The following ABI2 variants were observed in gnomAD, a reference collection of about 807,000 sequenced individuals.
ABI2 encodes abl interactor 2.
A neutral mutation model predicts 59.2 loss-of-function variants in ABI2; 25 were observed. The observed-to-expected ratio is 0.42, with a 90% confidence interval of 0.31 to 0.59. ABI2 has a LOEUF of 0.59. ABI2 is among the 20% of genes least tolerant of loss of function. ABI2 has a pLI of 0.14. For synonymous variants in ABI2, 213 were observed against 235.5 expected (o/e 0.90, Z 0.87); for missense variants, 545 against 681.8 (o/e 0.80, Z 2.23).
chr2:203,349,455 A>G (rs1268888296), intron 1 of ABI2, among the ~76,000 whole-genome samples: 1 of 152,062 alleles, frequency 6.6e-6, no homozygotes, highest in Non-Finnish European at 1.5e-5. Context: ...CCCAGGCTGG[A>G]GTGCAATGGT....
Position 203,402,698 on chromosome 2 carries a change from C to G in ABI2, c.1156C>G (p.Gln386Glu). 6.2e-7 allele frequency: 1 copy of G among 1,605,888 alleles called. No individual in the cohort carries two copies. The highest frequency in any genetic ancestry group is 8.5e-7 in the Non-Finnish European group (1 of 1,177,312). The change falls in exon 9 of 12, where the codon CAG becomes GAG. Residue 386 changes from glutamine to glutamate, a missense_variant. By Grantham distance (29) the Gln-to-Glu change is conservative. Around this residue, in one of 4 missense-constraint regions of ABI2, gnomAD observed 410 missense variants for 435.6 expected, o/e 0.94. Coordinates refer to ENST00000261018, the MANE Select transcript of ABI2 (RefSeq NM_001375670.1). ...SITSQTSLQNQMNGGPFYSQN... is the reference protein window; with the variant it reads ...SITSQTSLQNEMNGGPFYSQN... ...TACTTCACAAACAAGCCTTCAGAAT[C>G]AGATGAATGGAGGACCTTTTTATAG...
intron 9 of ABI2, among the ~76,000 whole-genome samples, chr2:203,405,321 G>C (rs1447383860): frequency 6.6e-6 from 1 of 151,958 alleles, no homozygotes; most frequent in Non-Finnish European, 1.5e-5. Context: ...AGCTCTTTTT[G>C]CAAGACTTAA....
intron 11 of ABI2, among the ~76,000 whole-genome samples, chr2:203,425,218 TTTTTC>T (rs1436666705): frequency 6.6e-6 from 1 of 152,082 alleles, no homozygotes; most frequent in Non-Finnish European, 1.5e-5. Flanking sequence ...TTTGCATTTC[TTTTTC>T]TTTTATTTTT....
chr2:203,345,487 T>G (rs2082798839), intron 1 of ABI2, among the ~76,000 whole-genome samples: 1 of 152,182 alleles, frequency 6.6e-6, no homozygotes, highest in Non-Finnish European at 1.5e-5. Flanking sequence ...CTTAGCTCAC[T>G]GCAATCTCCA....
intron 11 of ABI2, among the ~76,000 whole-genome samples, chr2:203,424,279 G>C (rs896349863): frequency 1.3e-5 from 2 of 152,156 alleles, no homozygotes; most frequent in African/African-American, 4.8e-5. Context: ...AGAGTATTTT[G>C]CTTTTTGATG....
At chr2:203,337,149 A>C (rs1397752128) in intron 1 of ABI2, among the ~76,000 whole-genome samples, 1 of 152,220 alleles carries the variant, frequency 6.6e-6, no homozygotes, top group African/African-American at 2.4e-5. Flanking sequence ...AGTCCTAGCC[A>C]GCCAGTTAGG....
chr2:203,396,376 A>T (rs541485788), intron 7 of ABI2, among the ~76,000 whole-genome samples: 257 of 152,254 alleles, frequency 1.7e-3, no homozygotes, highest in Non-Finnish European at 3.2e-3. Flanking sequence ...TTTAAAAAAA[A>T]TTTTTAATCT....
At chr2:203,426,711 TTA>T (rs1429981075) in intron 11 of ABI2, among the ~76,000 whole-genome samples, 2 of 151,422 alleles carry the variant, frequency 1.3e-5, no homozygotes, top group Admixed American at 6.6e-5. Context: ...TGCTGTTCCA[TTA>T]GTCTGGTTTC....
chr2:203,336,545 G>T (rs184043926), intron 1 of ABI2, among the ~76,000 whole-genome samples: 18 of 152,316 alleles, frequency 1.2e-4, no homozygotes, highest in African/African-American at 4.3e-4. Flanking sequence ...TAGTTCCCAT[G>T]AGATGAGGCT....
chr2:203,358,966 C>T (rs1002322417), intron 1 of ABI2, among the ~76,000 whole-genome samples: 3 of 152,114 alleles, frequency 2.0e-5, no homozygotes, highest in Admixed American at 1.3e-4. Flanking sequence ...GAGCCAATAT[C>T]GTGCCACTGC....
intron 2 of ABI2, among the ~76,000 whole-genome samples, chr2:203,370,218 C>CTCTCTCTCTCTCTCTCTT (rs1559243945): frequency 1.5e-5 from 2 of 136,242 alleles, no homozygotes; most frequent in East Asian, 3.9e-4. Flanking sequence ...CTCTCTCTCT[C>CTCTCTCTCTCTCTCTCTT]TCTCTCTCTT....
chr2:203,329,763 A>G (rs1354225159), intron 1 of ABI2, among the ~76,000 whole-genome samples: 1 of 150,760 alleles, frequency 6.6e-6, no homozygotes, highest in African/African-American at 2.4e-5. Flanking sequence ...TTGAGACACA[A>G]CCTCGTTCTG....
At chr2:203,354,359 A>G (rs1470570159) in intron 1 of ABI2, among the ~76,000 whole-genome samples, 2 of 151,722 alleles carry the variant, frequency 1.3e-5, no homozygotes, top group Non-Finnish European at 2.9e-5. Context: ...GACTTCTTAA[A>G]TTTTTTCTTT....
intron 3 of ABI2, among the ~76,000 whole-genome samples, chr2:203,381,873 A>G (rs1299564705): frequency 2.0e-5 from 3 of 152,216 alleles, no homozygotes; most frequent in South Asian, 2.1e-4. Flanking sequence ...TCCTCAAAGT[A>G]AAATGTTTTT....
At chr2:203,331,513 C>G (rs2073491132) in intron 1 of ABI2, among the ~76,000 whole-genome samples, 2 of 151,864 alleles carry the variant, frequency 1.3e-5, no homozygotes, top group Non-Finnish European at 2.9e-5. Flanking sequence ...TGTGTACCAC[C>G]ATGCCTGGCT....
intron 8 of ABI2, among the ~76,000 whole-genome samples, chr2:203,398,572 A>G (rs1454683313): frequency 4.6e-5 from 7 of 152,226 alleles, no homozygotes; most frequent in African/African-American, 1.7e-4. Flanking sequence ...ACTTATGTAC[A>G]GTAAAATTCA....
chr2:203,354,333 T>A (rs2090722334), intron 1 of ABI2, among the ~76,000 whole-genome samples: 2 of 152,168 alleles, frequency 1.3e-5, no homozygotes, highest in African/African-American at 2.4e-5. Context: ...TGTGAGCCAC[T>A]GCACCCAGCC....
intron 1 of ABI2, among the ~76,000 whole-genome samples, chr2:203,363,329 A>G (rs2093810222): frequency 6.6e-6 from 1 of 152,168 alleles, no homozygotes; most frequent in Admixed American, 6.5e-5. Flanking sequence ...CAGTTATTTT[A>G]AAATGTACAA....
intron 2 of ABI2, among the ~76,000 whole-genome samples, chr2:203,374,538 T>G (rs1043762052): frequency 3.3e-5 from 5 of 151,144 alleles, no homozygotes; most frequent in African/African-American, 9.7e-5. Context: ...CAATTTTAAT[T>G]AAGGAGATAC....
Sources: allele counts gnomAD v4.1 joint callset (sites outside exome capture counted in the v4.1 genomes callset), GRCh38; gene constraint gnomAD v4.1.1; regional missense constraint gnomAD v4.1.1; transcripts MANE v1.5; gene names NCBI Gene and HGNC (gene_info 2026-07-23, HGNC 2026-07-21).